The following WWOX variants were observed in gnomAD, a reference collection of about 807,000 sequenced individuals.
WWOX encodes the protein WW domain containing oxidoreductase.
WWOX carries 69 observed loss-of-function variants against 46.2 expected under a neutral mutation model. The observed-to-expected ratio is 1.49, with a 90% CI of 1.23 to 1.82. The LOEUF is 1.82. Among genes scored for constraint, WWOX ranks in the 40% most tolerant of loss-of-function variants. WWOX has a pLI of 0.00. For synonymous variants in WWOX, 359 were observed against 202.6 expected (o/e 1.77, Z -6.56); for missense variants, 919 against 542.6 (o/e 1.69, Z -6.89).
rs980398290 is a variant in WWOX, at chr16:78,752,615, T to G, written c.1056+319863T>G. ...TGATTTAGCTAACAGGTTCAGCAGA[T>G]TTTTAAACTCACTTTCAAATCATGA... On this transcript the variant is annotated intron_variant, in intron 8 of 8. Coordinates refer to ENST00000566780, the MANE Select transcript of WWOX (RefSeq NM_016373.4). Among the ~76,000 whole-genome samples the G allele has an allele frequency of 2.6e-5, 4 of 152,212 alleles. No homozygotes were observed. In the South Asian group the frequency reaches 6.2e-4, roughly 24 times the overall value.
At chr16:79,052,986 G>A (rs2048197605) in intron 8 of WWOX, among the ~76,000 whole-genome samples, 1 of 148,214 alleles carries the variant, frequency 6.7e-6, no homozygotes, top group African/African-American at 2.5e-5. Flanking sequence ...ATGGGGGGGT[G>A]GGTGGAGGGT....
At chr16:78,490,370 G>C (rs1307877251) in intron 8 of WWOX, among the ~76,000 whole-genome samples, 1 of 152,178 alleles carries the variant, frequency 6.6e-6, no homozygotes, top group Admixed American at 6.5e-5. Context: ...TGTTATTCAT[G>C]TATGTGCACA....
chr16:78,919,794 C>A (rs2151267852), intron 8 of WWOX, among the ~76,000 whole-genome samples: 1 of 152,242 alleles, frequency 6.6e-6, no homozygotes, highest in South Asian at 2.1e-4. Flanking sequence ...GGATTACAGG[C>A]ATGAGCCACT....
chr16:78,214,238 A>G (rs2036648088), intron 5 of WWOX, among the ~76,000 whole-genome samples: 1 of 152,124 alleles, frequency 6.6e-6, no homozygotes, highest in African/African-American at 2.4e-5. Flanking sequence ...GAGTGCTTTC[A>G]AGATCAGACC....
chr16:79,151,406 C>T (rs1016824387), intron 8 of WWOX, among the ~76,000 whole-genome samples: 4 of 152,174 alleles, frequency 2.6e-5, no homozygotes, highest in East Asian at 1.9e-4. Flanking sequence ...AGAGTATGTG[C>T]GCCTTCTTTT....
chr16:78,574,907 A>G (rs2044811609), intron 8 of WWOX, among the ~76,000 whole-genome samples: 1 of 145,832 alleles, frequency 6.9e-6, no homozygotes, highest in Non-Finnish European at 1.5e-5. Context: ...GGATGTGTTA[A>G]TTAATTCGAT....
intron 8 of WWOX, among the ~76,000 whole-genome samples, chr16:79,076,637 T>C (rs1196925272): frequency 6.6e-6 from 1 of 152,164 alleles, no homozygotes; most frequent in African/African-American, 2.4e-5. Flanking sequence ...CTACCACAGC[T>C]AGGTAGGCGG....
intron 8 of WWOX, among the ~76,000 whole-genome samples, chr16:79,118,627 G>T (rs752176774): frequency 6.6e-6 from 1 of 152,172 alleles, no homozygotes; most frequent in Non-Finnish European, 1.5e-5. Context: ...ATACAGCTCA[G>T]TGAAGAATAT....
chr16:78,595,174 A>T (rs924110423), intron 8 of WWOX, among the ~76,000 whole-genome samples: 1 of 152,198 alleles, frequency 6.6e-6, no homozygotes, highest in Non-Finnish European at 1.5e-5. Context: ...CATATACTTC[A>T]TTGCAGGCAG....
intron 8 of WWOX, among the ~76,000 whole-genome samples, chr16:78,577,100 T>A (rs2044900694): frequency 6.6e-6 from 1 of 152,176 alleles, no homozygotes; most frequent in African/African-American, 2.4e-5. Context: ...TGGGGAACAT[T>A]CTTCTCTTGG....
intron 8 of WWOX, among the ~76,000 whole-genome samples, chr16:78,511,639 A>C (rs529718678): frequency 7.9e-5 from 12 of 152,160 alleles, no homozygotes; most frequent in Non-Finnish European, 1.6e-4. Context: ...GTTGCCAATA[A>C]AGTTTATTGT....
intron 5 of WWOX, among the ~76,000 whole-genome samples, chr16:78,315,282 C>T (rs1400209085): frequency 1.3e-5 from 2 of 152,166 alleles, no homozygotes; most frequent in Non-Finnish European, 2.9e-5. Flanking sequence ...AGAAGTGAAA[C>T]TGTTTTTTTT....
chr16:78,133,071 A>G (rs1008488471), intron 4 of WWOX, among the ~76,000 whole-genome samples: 5 of 152,218 alleles, frequency 3.3e-5, no homozygotes, highest in Admixed American at 2.6e-4. Context: ...TGGAAGGGTT[A>G]GCCAAATTAA....
At chr16:78,919,030 G>A (rs143002576) in intron 8 of WWOX, among the ~76,000 whole-genome samples, 3 of 152,022 alleles carry the variant, frequency 2.0e-5, no homozygotes, top group African/African-American at 7.2e-5. Context: ...GTGTAACTTC[G>A]TTAAGTTCAG....
chr16:78,295,713 AAAACAAAC>A lies in WWOX; in HGVS notation c.517-91119_517-91112del, dbSNP rs34994613. Among the ~76,000 whole-genome samples, 354 of 151,378 alleles carry A rather than the reference AAAACAAAC, an allele frequency of 2.3e-3. 1 individual carries two copies. The highest frequency in any genetic ancestry group is 7.7e-3 in the African/African-American group (318 of 41,136). On this transcript the variant is annotated intron_variant, in intron 5 of 8. Coordinates refer to ENST00000566780, the MANE Select transcript of WWOX (RefSeq NM_016373.4). ...GTGGCTGAGAAAGACTCAGTCTTAA[AAAACAAAC>A]AAACAAACAAACAAACAAACAAACA...
intron 8 of WWOX, among the ~76,000 whole-genome samples, chr16:79,138,184 C>A (rs912010203): frequency 3.3e-5 from 5 of 152,008 alleles, no homozygotes; most frequent in African/African-American, 1.2e-4. Context: ...CTTGGATGCC[C>A]CACTTTCCAA....
chr16:78,218,774 C>G (rs1444370697), intron 5 of WWOX, among the ~76,000 whole-genome samples: 1 of 152,240 alleles, frequency 6.6e-6, no homozygotes, highest in East Asian at 1.9e-4. Flanking sequence ...AGTGTGGAAG[C>G]ACGCTTCGGT....
At position 79,156,021 on chromosome 16, in the gene WWOX, ATAGT is replaced by A. The variant is rs533214251; in HGVS notation, c.1057-55581_1057-55578del. On this transcript the variant is annotated intron_variant, in intron 8 of 8. Coordinates refer to ENST00000566780, the MANE Select transcript of WWOX (RefSeq NM_016373.4). ...GTCATTTCACTATTAAAAGAGAAAA[ATAGT>A]TAGTTTACAATTTCCAGGAAATCAG... 2.8e-4 allele frequency among the ~76,000 whole-genome samples: 42 copies of A among 152,292 alleles called. No homozygotes were observed. In the South Asian group the frequency reaches 6.6e-3, roughly 24 times the overall value.
intron 8 of WWOX, among the ~76,000 whole-genome samples, chr16:78,686,667 C>G (rs1157329727): frequency 6.6e-6 from 1 of 152,136 alleles, no homozygotes. Flanking sequence ...AGTTTGAGAA[C>G]CAATGATAAG....
Sources: gnomAD v4.1 joint callset for allele counts (sites outside exome capture counted in the v4.1 genomes callset) on GRCh38, gnomAD v4.1.1 for gene constraint, MANE v1.5 for transcripts, NCBI Gene and HGNC (gene_info 2026-07-23, HGNC 2026-07-21) for gene names.